The following ANKAR variants were observed in gnomAD, a reference collection of about 807,000 sequenced individuals.
ANKAR encodes ankyrin and armadillo repeat-containing protein.
ANKAR carries 136 observed loss-of-function variants against 146.2 expected under a neutral mutation model. The observed-to-expected ratio is 0.93, with a 90% CI of 0.81 to 1.07. The LOEUF is 1.07. ANKAR is among the 50% of genes least tolerant of loss of function. The probability of loss-of-function intolerance (pLI) is 0.00; values close to 1 mark genes in which losing one functional copy is unlikely to be tolerated. For missense variants in ANKAR, 1,567 were observed against 1,679.9 expected, an observed-to-expected ratio of 0.93 and a Z score of 1.18; for synonymous variants, 500 against 575.8, an observed-to-expected ratio of 0.87 and a Z score of 1.88.
rs2041007679 is a variant in ANKAR at position 189,719,687 on chromosome 2, A to G, written c.2340A>G (p.Val780=). Residue 780 remains valine, a synonymous_variant, in exon 11 of 23, where the codon GTA becomes GTG. Transcript: ENST00000684021. ...ACAAAAGTGCAGTGCATGCTTTGGT[A>G]GAAGCGGGAGGCATTCCATCTCTAA... is the stretch of plus-strand genomic sequence containing the variant. ...STHKSAVHAL[V]EAGGIPSLIN... is the part of the protein sequence containing the mutation. 6 of 1,614,098 alleles carry G rather than the reference A, an allele frequency of 3.7e-6. No homozygotes were observed. The highest frequency in any genetic ancestry group is 3.4e-6 in the Non-Finnish European group (4 of 1,180,044).
intron 17 of ANKAR, among the ~76,000 whole-genome samples, chr2:189,733,886 T>C (rs1437251464): frequency 6.6e-6 from 1 of 152,102 alleles, no homozygotes; most frequent in South Asian, 2.1e-4. Flanking sequence ...ACATTACATC[T>C]AAATGTCTTG....
At chr2:189,726,842 A>C (rs2041930896) in intron 12 of ANKAR, among the ~76,000 whole-genome samples, 1 of 152,200 alleles carries the variant, frequency 6.6e-6, no homozygotes, top group African/African-American at 2.4e-5. Flanking sequence ...TGCACGCAAC[A>C]TACCCTCAAA....
chr2:189,745,586 A>G (rs888194989), intron 22 of ANKAR, among the ~76,000 whole-genome samples: 1 of 152,176 alleles, frequency 6.6e-6, no homozygotes, highest in African/African-American at 2.4e-5. Flanking sequence ...CCTATTAGAT[A>G]TGTAATAGGG....
chr2:189,681,326 G>A (rs1223537820), intron 2 of ANKAR, among the ~76,000 whole-genome samples: 1 of 152,192 alleles, frequency 6.6e-6, no homozygotes, highest in Non-Finnish European at 1.5e-5. Flanking sequence ...GTCCTGTTGT[G>A]TAACTAAGGG....
chr2:189,754,490 A>T, intron 18 of ANKAR: 1 of 730,022 alleles, frequency 1.4e-6, no homozygotes, highest in South Asian at 2.0e-5. Flanking sequence ...TATAGACTAT[A>T]GCTGATATTC....
chr2:189,761,520 C>T, downstream of ANKAR: 2 of 1,612,724 alleles, frequency 1.2e-6, no homozygotes, highest in Non-Finnish European at 1.7e-6. Flanking sequence ...GTTTCAATTC[C>T]CAATACTATT....
In ANKAR at chr2:189,677,007, G is replaced by A; in HGVS notation, c.517G>A (p.Glu173Lys). The stretch of plus-strand genomic sequence containing the variant: ...CAAAGAAAAACGAGCTAGATTCTCT[G>A]AATTGTGGCGTGCCATCATGGACAT... ...MPKEKRARFSELWRAIMDIDP... is the reference protein window; with the variant it reads ...MPKEKRARFSKLWRAIMDIDP... Residue 173 changes from glutamate (E) to lysine (K), a missense_variant, in exon 2 of 23, where the codon GAA becomes AAA. Physicochemically the swap from Glu to Lys is moderately conservative, Grantham distance 56 (BLOSUM62 1). Coordinates refer to ENST00000684021, the MANE Select transcript of ANKAR (RefSeq NM_001378068.1). 6.2e-7 allele frequency: 1 copy of A among 1,612,938 alleles called. No individual in the cohort carries two copies. Among genetic ancestry groups the A allele is most frequent in the Non-Finnish European group, 8.5e-7 (1 of 1,179,860 alleles).
chr2:189,706,163 A>G (rs1574501773), intron 8 of ANKAR, among the ~76,000 whole-genome samples: 1 of 152,120 alleles, frequency 6.6e-6, no homozygotes, highest in African/African-American at 2.4e-5. Flanking sequence ...TGGGAGGCCA[A>G]GGCAGGCAGA....
At chr2:189,728,521 T>G in intron 14 of ANKAR, 101 bp downstream of exon 14, 1 of 1,469,100 alleles carries the variant, frequency 6.8e-7, no homozygotes, top group Non-Finnish European at 9.2e-7. Context: ...CACTGCAGCC[T>G]CAAACCCCTG....
intron 18 of ANKAR, among the ~76,000 whole-genome samples, chr2:189,760,082 T>C (rs565014710): frequency 3.3e-4 from 51 of 152,322 alleles, no homozygotes; most frequent in Middle Eastern, 6.8e-3. Flanking sequence ...GGGGTAAGGT[T>C]ATAGATCAAC....
chr2:189,695,130 AG>A lies in ANKAR; in HGVS notation c.1458del (p.Lys486AsnfsTer8), dbSNP rs777000137. 6.0e-5 allele frequency: 96 copies of A among 1,607,022 alleles called. No individual in the cohort carries two copies. The highest frequency in any genetic ancestry group is 8.0e-5 in the Non-Finnish European group (94 of 1,178,004). ...DAQLHEQFKK[K>X]LGFKRAMKCK... Reference sequence around the variant, plus strand: ...CAATTACATGAACAATTTAAGAAAAAGCTTGGTTTCAAAAGAGCTATGAAAT... The same window carrying A: ...CAATTACATGAACAATTTAAGAAAAACTTGGTTTCAAAAGAGCTATGAAAT... On this transcript the variant is annotated frameshift_variant, in exon 6 of 23. Coordinates refer to ENST00000684021, the MANE Select transcript of ANKAR (RefSeq NM_001378068.1). LOFTEE classifies it high-confidence loss of function.
In ANKAR at chr2:189,733,131, T is replaced by C; in HGVS notation, c.3325T>C (p.Cys1109Arg). The change falls in exon 17 of 23, where the codon TGC becomes CGC. Residue 1109 changes from cysteine to arginine, a missense_variant. Physicochemically the swap from Cys to Arg is radical, Grantham distance 180. Coordinates refer to ENST00000684021, the MANE Select transcript of ANKAR (RefSeq NM_001378068.1). ...IKVEVAFSLA[C>R]IVLGNDVLQK... Reference sequence around the variant, plus strand: ...GGTTGAAGTGGCATTTTCCTTGGCATGCATTGTCCTAGGGAATGATGTGTT... The same window carrying C: ...GGTTGAAGTGGCATTTTCCTTGGCACGCATTGTCCTAGGGAATGATGTGTT... The C allele has an allele frequency of 1.1e-5, 17 of 1,608,094 alleles. No individual in the cohort carries two copies. The highest frequency in any genetic ancestry group is 1.7e-5 in the Admixed American group (1 of 58,904).
At chr2:189,759,529 C>T (rs1019644888) in intron 18 of ANKAR, among the ~76,000 whole-genome samples, 11 of 152,160 alleles carry the variant, frequency 7.2e-5, no homozygotes, top group Admixed American at 2.6e-4. Context: ...CGATTACAGG[C>T]GTGAGCCACA....
At chr2:189,685,444 C>G (rs1574369051) in intron 2 of ANKAR, among the ~76,000 whole-genome samples, 1 of 152,230 alleles carries the variant, frequency 6.6e-6, no homozygotes, top group Middle Eastern at 3.4e-3. Flanking sequence ...AGATGTCTCT[C>G]TTGATAACTT....
chr2:189,690,829 G>A (rs57236641), intron 3 of ANKAR, among the ~76,000 whole-genome samples: 1,687 of 152,246 alleles, frequency 0.011, 30 homozygotes, highest in African/African-American at 0.036. Context: ...TAAAGAGAAC[G>A]TTAACTATAT....
downstream of ANKAR, chr2:189,761,319 A>G (rs1050717536): frequency 7.9e-7 from 1 of 1,269,250 alleles, no homozygotes; most frequent in Non-Finnish European, 1.1e-6. Flanking sequence ...GCAAAAAGGA[A>G]TAAGACAGTA....
In ANKAR at chr2:189,730,556, A is replaced by G; in HGVS notation, c.3255A>G (p.Pro1085=). 6.2e-7 allele frequency: 1 copy of G among 1,604,248 alleles called. No individual in the cohort carries two copies. Among genetic ancestry groups the G allele is most frequent in the Non-Finnish European group, 8.5e-7 (1 of 1,174,434 alleles). The change falls in exon 16 of 23, where the codon CCA becomes CCG. Residue 1085 remains proline, a synonymous_variant. Coordinates refer to ENST00000684021, the MANE Select transcript of ANKAR (RefSeq NM_001378068.1). Reference sequence around the variant, plus strand: ...TGGTTGTAGATGAAAATGCCTTTCCAGTACTTATCCAACTACTAAGAAATC... The same window carrying G: ...TGGTTGTAGATGAAAATGCCTTTCCGGTACTTATCCAACTACTAAGAAATC... ...QQLVVDENAF[P]VLIQLLRNHP...
At chr2:189,720,964 C>T (rs562976627) in intron 12 of ANKAR, among the ~76,000 whole-genome samples, 177 bp downstream of exon 12, 1 of 152,280 alleles carries the variant, frequency 6.6e-6, no homozygotes, top group East Asian at 1.9e-4. Flanking sequence ...AACTGCTAAA[C>T]TATGTAGATA....
At chr2:189,713,300 C>A (rs1559103451) in intron 10 of ANKAR, among the ~76,000 whole-genome samples, 1 of 151,978 alleles carries the variant, frequency 6.6e-6, no homozygotes, top group Non-Finnish European at 1.5e-5. Context: ...AAGAGCAACC[C>A]CAAGACACAT....
Sources: allele counts gnomAD v4.1 joint callset (sites outside exome capture counted in the v4.1 genomes callset), GRCh38; gene constraint gnomAD v4.1.1; transcripts MANE v1.5; gene names NCBI Gene and HGNC (gene_info 2026-07-23, HGNC 2026-07-21).